The following PSME4 variants were observed in gnomAD, a reference collection of about 807,000 sequenced individuals.
PSME4 encodes proteasome activator complex subunit 4.
PSME4 carries 89 observed loss-of-function variants against 253.9 expected under a neutral mutation model. The ratio of observed to expected loss-of-function variants is 0.35; its 90% CI spans 0.30 to 0.42. The LOEUF (loss-of-function observed/expected upper bound fraction) is 0.42. PSME4 is among the 10% of genes least tolerant of loss of function. PSME4 has a pLI of 1.00. For synonymous variants in PSME4, 851 were observed against 759.2 expected (o/e 1.12, Z -1.99); for missense variants, 2,014 against 2,195.2 (o/e 0.92, Z 1.65).
At chr2:53,968,185 G>A (rs758517899) in intron 1 of PSME4, among the ~76,000 whole-genome samples, 1 of 149,162 alleles carries the variant, frequency 6.7e-6, no homozygotes, top group Non-Finnish European at 1.5e-5. Context: ...TGAGGCAGGA[G>A]AATCGCTTGA....
chr2:53,950,580 G>A (rs927988709), intron 1 of PSME4, among the ~76,000 whole-genome samples: 8 of 151,542 alleles, frequency 5.3e-5, no homozygotes, highest in Non-Finnish European at 8.8e-5. Flanking sequence ...AGTGGCTCAC[G>A]CCTATAATCC....
intron 1 of PSME4, among the ~76,000 whole-genome samples, chr2:53,964,212 T>G (rs914611246): frequency 3.9e-5 from 6 of 152,158 alleles, no homozygotes; most frequent in Non-Finnish European, 8.8e-5. Context: ...GAAAAAAAAG[T>G]ATATGTGTGA....
intron 8 of PSME4, chr2:53,933,163 A>T (rs1386394283): frequency 6.1e-6 from 1 of 165,274 alleles, no homozygotes; most frequent in African/African-American, 2.4e-5. Context: ...AGGTCACTTG[A>T]GGTCAGGAGT....
rs768639833 is a variant in PSME4 at position 53,869,585 on chromosome 2, G to C, written c.5101-47C>G. 9 of 1,398,982 alleles carry C rather than the reference G, an allele frequency of 6.4e-6. No homozygotes were observed. The East Asian group carries it at 2.1e-4, about 33-fold the overall frequency. The allele number at this position is 1,398,982 out of a possible 1,614,324, so 86.7% of individuals were successfully genotyped here. On this transcript the variant is annotated intron_variant, in intron 43 of 46. Coordinates refer to ENST00000404125, the MANE Select transcript of PSME4 (RefSeq NM_014614.3). Reference sequence around the variant, plus strand: ...TTAGGACTGACATTCTAAGTCTGAGGGAATAATGGAGGATAGGGGGTAGTG... The same window carrying C: ...TTAGGACTGACATTCTAAGTCTGAGCGAATAATGGAGGATAGGGGGTAGTG...
rs1276115505 is a variant in PSME4 at position 53,895,042 on chromosome 2, G to A, written c.3877C>T (p.Pro1293Ser). 1.2e-6 allele frequency: 2 copies of A among 1,612,536 alleles called. No individual in the cohort carries two copies. Residue 1293 changes from proline (P) to serine (S), a missense_variant, in exon 34 of 47, where the codon CCT (proline) becomes TCT (serine). Pro to Ser is a moderately conservative substitution (Grantham distance 74). Coordinates refer to ENST00000404125, the MANE Select transcript of PSME4 (RefSeq NM_014614.3). ...TCCTCCCTGCTTCTGCCAAGCTTAG[G>A]CTGCTCTTCCACACCAGCATAAACA... ...MVVYAGVEEQ[P>S]KLGRSREDMT... is the part of the protein sequence containing the mutation.
chr2:53,932,083 T>C lies in PSME4; in HGVS notation c.1068A>G (p.Leu356=). 6.2e-7 allele frequency: 1 copy of C among 1,613,966 alleles called. No individual in the cohort carries two copies. The highest frequency in any genetic ancestry group is 8.5e-7 in the Non-Finnish European group (1 of 1,179,872). The part of the protein sequence containing the change: ...NGRWLNKLMK[L]LQRLPNSVVR... ...CAACACTGTTTGGCAACCGCTGAAG[T>C]AGTTTCATTAACTTGTTCTGGGGAC... Residue 356 remains leucine, a synonymous_variant, in exon 10 of 47, where the codon CTA becomes CTG. Transcript: ENST00000404125.
In PSME4 at chr2:53,925,989, A is replaced by C. The variant is rs779129865; in HGVS notation, c.1628T>G (p.Phe543Cys). 6.2e-7 allele frequency: 1 copy of C among 1,613,650 alleles called. No individual in the cohort carries two copies. The highest frequency in any genetic ancestry group is 1.1e-5 in the South Asian group (1 of 91,072). The change falls in exon 13 of 47, where the codon TTT becomes TGT. Residue 543 changes from phenylalanine (F) to cysteine (C), a missense_variant. Phe to Cys is a radical substitution (Grantham distance 205). Coordinates refer to ENST00000404125, the MANE Select transcript of PSME4 (RefSeq NM_014614.3). ...CATAAACTGTAAGACGAAATCCTCA[A>C]ATTCAGCTGTGGCTGAACAAAGTTC... is the stretch of plus-strand genomic sequence containing the variant. ...ERELCSATAEFEDFVLQFMDR... is the reference protein window; with the variant it reads ...ERELCSATAECEDFVLQFMDR...
intron 27 of PSME4, 92 bp from the exon 28 acceptor site, chr2:53,901,651 G>A: frequency 1.0e-6 from 1 of 958,398 alleles, no homozygotes; most frequent in Non-Finnish European, 1.5e-6. Context: ...TTTTAAATGA[G>A]TATTGATTAC....
intron 46 of PSME4, 60 bp downstream of exon 46, chr2:53,866,025 C>A (rs1678549094): frequency 6.9e-7 from 1 of 1,441,432 alleles, no homozygotes; most frequent in Non-Finnish European, 9.4e-7. Flanking sequence ...AGAAAAAAAA[C>A]AATAAATATC....
chr2:53,894,913 GA>G (rs1320649874), intron 34 of PSME4, 93 bp downstream of exon 34: 24 of 1,119,722 alleles, frequency 2.1e-5, no homozygotes, highest in African/African-American at 1.7e-4. Flanking sequence ...ATTGTATTAA[GA>G]AAAAAAAGAA....
At chr2:53,893,595 CAAATATT>C (rs1680010545) in intron 35 of PSME4, 72 bp downstream of exon 35, 1 of 1,565,788 alleles carries the variant, frequency 6.4e-7, no homozygotes, top group Non-Finnish European at 8.6e-7. Context: ...TAGCTTTGAT[CAAATATT>C]TATAAGTTAT....
intron 36 of PSME4, 69 bp downstream of exon 36, chr2:53,892,739 G>T: frequency 7.0e-7 from 1 of 1,438,048 alleles, no homozygotes; most frequent in Non-Finnish European, 9.5e-7. Flanking sequence ...CTAATGTGTT[G>T]GGAATTGCCA....
At chr2:53,934,474 A>G (rs1397267260) in intron 8 of PSME4, 131 bp downstream of exon 8, 3 of 902,958 alleles carry the variant, frequency 3.3e-6, no homozygotes, top group African/African-American at 3.3e-5. Context: ...AGCTTGCTAA[A>G]TCAGAAAATA....
At chr2:53,937,800 T>C (rs556475416) in intron 4 of PSME4, among the ~76,000 whole-genome samples, 57 of 152,246 alleles carry the variant, frequency 3.7e-4, no homozygotes, top group African/African-American at 1.3e-3. Context: ...GAGTTCAAGA[T>C]TGGCTTGGGC....
At chr2:53,889,341 A>G (rs1679791387) in intron 37 of PSME4, among the ~76,000 whole-genome samples, 1 of 152,148 alleles carries the variant, frequency 6.6e-6, no homozygotes, top group Non-Finnish European at 1.5e-5. Context: ...GTACACTTTA[A>G]ATCTTCTCTA....
In PSME4 at chr2:53,970,644, C is replaced by T; in HGVS notation, c.141G>A (p.Glu47=). ...TGATCTGGGCCAGCTGCAAGTCGGA[C>T]TCGGCGTCTAGCCGCTCCGCGTAGG... ...LLPYAERLDA[E]SDLQLAQIKC... The change falls in exon 1 of 47, where the codon GAG becomes GAA. Residue 47 remains glutamate (E), a synonymous_variant. Transcript: ENST00000404125. 1 of 1,550,150 alleles carries T rather than the reference C, an allele frequency of 6.5e-7. No homozygotes were observed. The highest frequency in any genetic ancestry group is 1.7e-4 in the Middle Eastern group (1 of 5,806).
intron 14 of PSME4, 58 bp from the exon 15 acceptor site, chr2:53,923,477 G>A: frequency 6.8e-7 from 1 of 1,475,160 alleles, no homozygotes; most frequent in Non-Finnish European, 9.0e-7. Context: ...ACATCTTACA[G>A]AACATAAAAG....
At chr2:53,866,644 T>G (rs1017537876) in intron 45 of PSME4, 103 bp downstream of exon 45, 1 of 1,280,258 alleles carries the variant, frequency 7.8e-7, no homozygotes, top group African/African-American at 1.5e-5. Context: ...AGGCAGCAGC[T>G]TTATGAAAGC....
At chr2:53,888,020 G>C (rs767998713) in intron 38 of PSME4, 31 bp from the exon 39 acceptor site, 1 of 1,586,770 alleles carries the variant, frequency 6.3e-7, no homozygotes, top group East Asian at 2.3e-5. Context: ...TGTTATATTG[G>C]AGGCCCTTTC....
Sources: gnomAD v4.1 joint callset for allele counts (sites outside exome capture counted in the v4.1 genomes callset) on GRCh38, gnomAD v4.1.1 for gene constraint, MANE v1.5 for transcripts, NCBI Gene and HGNC (gene_info 2026-07-23, HGNC 2026-07-21) for gene names.